Variants in SDK2 observed in about 807,000 individuals in gnomAD.
SDK2 encodes protein sidekick-2.
SDK2 carries 105 observed loss-of-function variants against 253.9 expected under a neutral mutation model. The ratio of observed to expected loss-of-function variants is 0.41; its 90% CI spans 0.35 to 0.49. The LOEUF (loss-of-function observed/expected upper bound fraction) is 0.49. SDK2 is among the 20% of genes least tolerant of loss of function. The probability of loss-of-function intolerance (pLI) is 0.06; values close to 1 mark genes in which losing one functional copy is unlikely to be tolerated. For synonymous variants in SDK2, 1,249 were observed against 1,234.9 expected (o/e 1.01, Z -0.24); for missense variants, 2,608 against 3,003.0 (o/e 0.87, Z 3.07).
chr17:73,604,637 G>A (rs1231758320), intron 1 of SDK2, among the ~76,000 whole-genome samples: 4 of 152,230 alleles, frequency 2.6e-5, no homozygotes, highest in African/African-American at 7.2e-5. Context: ...CCAGCATGAG[G>A]AGTGCGGGGC....
intron 1 of SDK2, among the ~76,000 whole-genome samples, chr17:73,592,589 T>C (rs2045698371): frequency 6.6e-6 from 1 of 151,762 alleles, no homozygotes; most frequent in African/African-American, 2.4e-5. Flanking sequence ...CTGTCTGGAG[T>C]CTAACCGGGG....
intron 36 of SDK2, 138 bp from the exon 37 acceptor site, chr17:73,368,731 CG>C (rs1276988224): frequency 1.4e-6 from 1 of 740,292 alleles, no homozygotes. Context: ...TTTAAGAGGC[CG>C]GGTGCGGTGG....
chr17:73,352,645 A>T lies in SDK2; in HGVS notation c.5594-8T>A. 6.2e-7 allele frequency: 1 copy of T among 1,613,294 alleles called. No individual in the cohort carries two copies. Among genetic ancestry groups the T allele is most frequent in the Non-Finnish European group, 8.5e-7 (1 of 1,179,306 alleles). On this transcript the variant is annotated splice_polypyrimidine_tract_variant and splice_region_variant and intron_variant, in intron 40 of 44. Coordinates refer to ENST00000392650, the MANE Select transcript of SDK2 (RefSeq NM_001144952.2). This position sits in a 1 kb window ranked among gnomAD's most constrained non-coding sequence, Gnocchi z 4.1. ...TGTCCCATAGTCCCTCGTCTGCAGG[A>T]GCACAGAGATGGAGGCCCTGGGAGG...
chr17:73,411,995 TAC>T (rs1383067681), intron 18 of SDK2, among the ~76,000 whole-genome samples: 4 of 137,004 alleles, frequency 2.9e-5, no homozygotes, highest in African/African-American at 1.1e-4. Context: ...CGTATATATA[TAC>T]ACACATATAT....
At chr17:73,504,623 C>T (rs1343238261) in intron 2 of SDK2, among the ~76,000 whole-genome samples, 2 of 109,606 alleles carry the variant, frequency 1.8e-5, no homozygotes, top group Non-Finnish European at 1.7e-5. Context: ...CAGAGCAAGA[C>T]TCTGTCTCAA....
chr17:73,468,336 C>T (rs2145686875), intron 3 of SDK2, among the ~76,000 whole-genome samples: 1 of 152,236 alleles, frequency 6.6e-6, no homozygotes, highest in Admixed American at 6.5e-5. Context: ...CACATATGAG[C>T]TCAAGAAATC....
intron 36 of SDK2, among the ~76,000 whole-genome samples, chr17:73,377,373 C>T (rs1257271829): frequency 1.3e-5 from 2 of 151,790 alleles, no homozygotes; most frequent in East Asian, 3.9e-4. Flanking sequence ...CACCCGCCAC[C>T]ACGCCTGGAT....
rs925979997 is a variant in SDK2 at position 73,483,243 on chromosome 17, C to T, written c.225-11025G>A. On this transcript the variant is annotated intron_variant, in intron 2 of 44. Transcript: ENST00000392650. Reference sequence around the variant, plus strand: ...TGTCTGAGCCCAGCTGGGAGAGAGCCGCTACATAGATGGGAGGAGAGTGGG... The same window carrying T: ...TGTCTGAGCCCAGCTGGGAGAGAGCTGCTACATAGATGGGAGGAGAGTGGG... Among the ~76,000 whole-genome samples the T allele has an allele frequency of 5.9e-5, 9 of 151,538 alleles. No individual in the cohort carries two copies. In the East Asian group the frequency reaches 1.6e-3, roughly 26 times the overall value.
At chr17:73,529,385 T>C (rs1449616702) in intron 1 of SDK2, among the ~76,000 whole-genome samples, 1 of 152,032 alleles carries the variant, frequency 6.6e-6, no homozygotes, top group Non-Finnish European at 1.5e-5. Context: ...GCACCGTCAA[T>C]ATGAAGAGTG....
intron 2 of SDK2, among the ~76,000 whole-genome samples, chr17:73,482,805 C>T (rs12451946): frequency 0.031 from 4,795 of 152,342 alleles, 103 homozygotes; most frequent in Middle Eastern, 0.061. Flanking sequence ...GGCTACTCCT[C>T]CTGGGTGAGC....
At chr17:73,367,242 C>G (rs773542099) in intron 37 of SDK2, among the ~76,000 whole-genome samples, 10 of 152,126 alleles carry the variant, frequency 6.6e-5, no homozygotes, top group Non-Finnish European at 1.5e-4. Context: ...CTCCTGACCT[C>G]AAATGATCCA....
Position 73,388,020 on chromosome 17 carries a change from T to C in SDK2, c.4210A>G (p.Ser1404Gly). The change falls in exon 30 of 45, where the codon AGC becomes GGC. Residue 1404 changes from serine (S) to glycine (G), a missense_variant. Physicochemically the swap from Ser to Gly is moderately conservative, Grantham distance 56 (BLOSUM62 0). Around this residue, in one of 2 missense-constraint regions of SDK2, gnomAD observed 1,103 missense variants for 1,143.9 expected, o/e 0.96. Coordinates refer to ENST00000392650, the MANE Select transcript of SDK2 (RefSeq NM_001144952.2). ...TEKRDRPQPP[S>G]RPMVQQEDVR... The stretch of plus-strand genomic sequence containing the variant: ...TCCTCCTGCTGCACCATCGGCCTGC[T>C]GGGGGGCTGCGGACGGTCTGGGAGG... The C allele has an allele frequency of 6.4e-7, 1 of 1,567,574 alleles. No homozygotes were observed. The highest frequency in any genetic ancestry group is 8.6e-7 in the Non-Finnish European group (1 of 1,157,206).
intron 3 of SDK2, among the ~76,000 whole-genome samples, chr17:73,457,666 C>T (rs1037361460): frequency 1.3e-5 from 2 of 151,932 alleles, no homozygotes; most frequent in Non-Finnish European, 2.9e-5. Context: ...CACCCCAAGC[C>T]ATCACTAGGA....
chr17:73,543,555 C>G (rs926907434), intron 1 of SDK2, among the ~76,000 whole-genome samples: 3 of 152,234 alleles, frequency 2.0e-5, no homozygotes, highest in African/African-American at 4.8e-5. Flanking sequence ...CAGACTCTTC[C>G]GGCAATCGAC....
intron 44 of SDK2, among the ~76,000 whole-genome samples, chr17:73,340,363 T>G (rs1259395800): frequency 6.6e-6 from 1 of 152,220 alleles, no homozygotes; most frequent in Non-Finnish European, 1.5e-5. Context: ...CCCCTACCGG[T>G]CACTCCCTAT....
At chr17:73,358,569 G>A (rs55840984) in intron 39 of SDK2, among the ~76,000 whole-genome samples, 16,286 of 152,094 alleles carry the variant, frequency 0.11, 1,025 homozygotes, top group Middle Eastern at 0.17. Flanking sequence ...CCCTCTATAA[G>A]GGCCTTTTGG....
chr17:73,376,235 C>T (rs992306139), intron 36 of SDK2, among the ~76,000 whole-genome samples: 2 of 147,484 alleles, frequency 1.4e-5, no homozygotes, highest in Non-Finnish European at 3.0e-5. Flanking sequence ...GGACCTGGCT[C>T]TCCCCTAACC....
chr17:73,526,085 G>A (rs2064123027), intron 1 of SDK2, among the ~76,000 whole-genome samples: 1 of 152,216 alleles, frequency 6.6e-6, no homozygotes, highest in South Asian at 2.1e-4. Flanking sequence ...TAATGGCCCT[G>A]GGGAAGGTGT....
Position 73,448,991 on chromosome 17 carries a change from A to G in SDK2, c.480-1243T>C, listed in dbSNP as rs375462924. On this transcript the variant is annotated intron_variant, in intron 4 of 44. Transcript: ENST00000392650. The stretch of plus-strand genomic sequence containing the variant: ...TTCTACCTCTTTGAAGCTCATAACC[A>G]AGAGTGGGACTAGGTGGGCTGGTTA... 4.4e-3 allele frequency among the ~76,000 whole-genome samples: 670 copies of G among 152,266 alleles called. 23 individuals are homozygous for G. In the South Asian group the frequency reaches 0.075, roughly 17 times the overall value.
Sources: gnomAD v4.1 joint callset for allele counts (sites outside exome capture counted in the v4.1 genomes callset) on GRCh38, gnomAD v4.1.1 for gene constraint, gnomAD v4.1.1 regional missense constraint, Gnocchi (gnomAD v3.1) non-coding constraint, MANE v1.5 for transcripts, NCBI Gene and HGNC (gene_info 2026-07-23, HGNC 2026-07-21) for gene names.